Variants in LRRC7 observed in about 807,000 individuals in gnomAD.
The protein encoded by LRRC7 is leucine-rich repeat-containing protein 7.
Under a neutral mutation model 175.7 loss-of-function variants are expected in LRRC7, and 23 were observed. The observed-to-expected ratio is 0.13, with a 90% CI of 0.09 to 0.19. The LOEUF (loss-of-function observed/expected upper bound fraction) is 0.19. LRRC7 is among the 10% of genes least tolerant of loss of function. LRRC7 has a pLI of 1.00. For synonymous variants in LRRC7, 685 were observed against 680.9 expected, an observed-to-expected ratio of 1.01 and a Z score of -0.09; for missense variants, 1,354 against 1,904.7, an observed-to-expected ratio of 0.71 and a Z score of 5.38.
chr1:69,937,693 G>T (rs1183056173), intron 8 of LRRC7, among the ~76,000 whole-genome samples: 3 of 151,718 alleles, frequency 2.0e-5, no homozygotes, highest in Non-Finnish European at 4.4e-5. Flanking sequence ...TTACCTATTT[G>T]CTCTGTCTCT....
intron 7 of LRRC7, among the ~76,000 whole-genome samples, chr1:69,906,738 T>C (rs1266308706): frequency 5.3e-5 from 8 of 152,198 alleles, no homozygotes; most frequent in Admixed American, 4.6e-4. Context: ...GACTTGGCGA[T>C]GAGGGCTCTT....
chr1:70,014,558 A>G (rs138371707), intron 13 of LRRC7, among the ~76,000 whole-genome samples: 76 of 152,194 alleles, frequency 5.0e-4, no homozygotes, highest in African/African-American at 1.8e-3. Context: ...TTTTAAATTA[A>G]TGAATCAATC....
chr1:69,890,439 G>C (rs574691725), intron 7 of LRRC7, among the ~76,000 whole-genome samples: 1 of 152,336 alleles, frequency 6.6e-6, no homozygotes, highest in Admixed American at 6.5e-5. Flanking sequence ...CATGTAAACA[G>C]AGGTGTTGTC....
chr1:69,751,117 T>C (rs759222994), intron 2 of LRRC7, among the ~76,000 whole-genome samples: 9 of 152,200 alleles, frequency 5.9e-5, no homozygotes, highest in Non-Finnish European at 8.8e-5. Context: ...CTTAAATGTA[T>C]GTGTCAATAT....
At chr1:69,677,513 T>C (rs1214607251) in intron 1 of LRRC7, among the ~76,000 whole-genome samples, 1 of 151,936 alleles carries the variant, frequency 6.6e-6, no homozygotes, top group Non-Finnish European at 1.5e-5. Flanking sequence ...ATAGAGAGTA[T>C]ACTAGTTTAC....
At chr1:69,961,736 A>G (rs1651109622) in intron 8 of LRRC7, among the ~76,000 whole-genome samples, 1 of 152,260 alleles carries the variant, frequency 6.6e-6, no homozygotes, top group African/African-American at 2.4e-5. Context: ...CAATGGGAAA[A>G]GGATTCCCTG....
intron 7 of LRRC7, among the ~76,000 whole-genome samples, chr1:69,929,627 G>C (rs1389103921): frequency 6.6e-6 from 1 of 152,108 alleles, no homozygotes; most frequent in Non-Finnish European, 1.5e-5. Flanking sequence ...AATAGATTCA[G>C]TCCAAGCCAC....
intron 8 of LRRC7, among the ~76,000 whole-genome samples, chr1:69,944,836 CCTTT>C (rs1223909220): frequency 6.6e-6 from 1 of 151,516 alleles, no homozygotes; most frequent in Admixed American, 6.6e-5. Flanking sequence ...TCTTAAGGTT[CCTTT>C]CTGTTTTTTA....
chr1:70,101,927 G>A (rs1664832486), intron 25 of LRRC7, among the ~76,000 whole-genome samples: 1 of 152,182 alleles, frequency 6.6e-6, no homozygotes, highest in Non-Finnish European at 1.5e-5. Context: ...TCTGAGAAGA[G>A]CAAAGATTTC....
At position 70,038,647 on chromosome 1, in the gene LRRC7, G is replaced by A. The variant is rs776250160; in HGVS notation, c.2823G>A (p.Arg941=). ...AGTATCATGATTCCAATCCCAACAG[G>A]AGTCTTAGTAATGTCTTTTCTCAAA... ...PWEYHDSNPN[R]SLSNVFSQIH... The change falls in exon 21 of 27, where the codon AGG becomes AGA. Residue 941 remains arginine, a synonymous_variant. Transcript: ENST00000651989. 6.2e-7 allele frequency: 1 copy of A among 1,614,040 alleles called. No homozygotes were observed. Among genetic ancestry groups the A allele is most frequent in the East Asian group, 2.2e-5 (1 of 44,860 alleles).
At chr1:69,870,303 G>T (rs2211659) in intron 7 of LRRC7, among the ~76,000 whole-genome samples, 69,538 of 151,860 alleles carry the variant, frequency 0.46, 16,281 homozygotes, top group East Asian at 0.55. Flanking sequence ...CAGAGGTGTC[G>T]AGTACACACA....
intron 2 of LRRC7, among the ~76,000 whole-genome samples, chr1:69,753,296 ATGTGTGTG>A (rs35799015): frequency 1.6e-4 from 24 of 146,332 alleles, no homozygotes; most frequent in Admixed American, 2.7e-4. Context: ...GTGTGTGTGT[ATGTGTGTG>A]TGTGTGTGTG....
chr1:69,748,471 T>G (rs2100885345), intron 2 of LRRC7, among the ~76,000 whole-genome samples: 1 of 152,252 alleles, frequency 6.6e-6, no homozygotes, highest in Non-Finnish European at 1.5e-5. Flanking sequence ...TGGAAGAAGC[T>G]GTGGAGTAAA....
chr1:69,916,303 CTA>C (rs1194212534), intron 7 of LRRC7, among the ~76,000 whole-genome samples: 25 of 130,562 alleles, frequency 1.9e-4, no homozygotes, highest in African/African-American at 5.4e-4. Flanking sequence ...ATATATAAAA[CTA>C]TATATATATA....
At position 70,046,661 on chromosome 1, in the gene LRRC7, C is replaced by T. The variant is rs148057028; in HGVS notation, c.4110+2567C>T. On this transcript the variant is annotated intron_variant, in intron 22 of 26. Coordinates refer to ENST00000651989, the MANE Select transcript of LRRC7 (RefSeq NM_001370785.2). ...ATTTAGGCATCTGGGACAGCTTTCC[C>T]ACCCCATCACCAATGCAGGAACCTT... Among the ~76,000 whole-genome samples the T allele has an allele frequency of 5.5e-3, 842 of 152,200 alleles. 6 individuals are homozygous for T. The highest frequency in any genetic ancestry group is 0.035 in the South Asian group (167 of 4,822).
chr1:69,625,464 T>C (rs567830382), intron 1 of LRRC7, among the ~76,000 whole-genome samples: 1 of 149,684 alleles, frequency 6.7e-6, no homozygotes, highest in South Asian at 2.1e-4. Context: ...TTTCTTGATA[T>C]TTTATTAATT....
intron 2 of LRRC7, among the ~76,000 whole-genome samples, chr1:69,739,867 T>C (rs1475492121): frequency 6.6e-6 from 1 of 152,096 alleles, no homozygotes; most frequent in African/African-American, 2.4e-5. Flanking sequence ...ATTTATGCTG[T>C]TAAACAAAGA....
At chr1:69,985,689 G>T (rs1653877550) in intron 9 of LRRC7, among the ~76,000 whole-genome samples, 1 of 152,118 alleles carries the variant, frequency 6.6e-6, no homozygotes, top group Non-Finnish European at 1.5e-5. Flanking sequence ...TATCTCTATG[G>T]ATTTGCATAT....
chr1:70,108,461 A>G (rs1665292112), intron 26 of LRRC7, among the ~76,000 whole-genome samples: 1 of 152,140 alleles, frequency 6.6e-6, no homozygotes, highest in Non-Finnish European at 1.5e-5. Context: ...CTCTGAATTC[A>G]CTGTCTTTAA....
Sources: gnomAD v4.1 joint callset for allele counts (sites outside exome capture counted in the v4.1 genomes callset) on GRCh38, gnomAD v4.1.1 for gene constraint, MANE v1.5 for transcripts, NCBI Gene and HGNC (gene_info 2026-07-23, HGNC 2026-07-21) for gene names.